Variants in CAMSAP1 observed in about 807,000 individuals in gnomAD.
CAMSAP1 encodes the protein calmodulin regulated spectrin associated protein 1, also known as calmodulin-regulated spectrin-associated protein 1.
Under a neutral mutation model 143.5 loss-of-function variants are expected in CAMSAP1, and 58 were observed. That is an observed-to-expected ratio of 0.40 (90% CI 0.33 to 0.50). The LOEUF is 0.50. Ranked by LOEUF, CAMSAP1 falls within the 20% of genes least tolerant of loss-of-function variation. The pLI is 0.45. For synonymous variants in CAMSAP1, 945 were observed against 859.3 expected (o/e 1.10, Z -1.74); for missense variants, 1,969 against 2,115.7 (o/e 0.93, Z 1.36).
chr9:135,831,756 A>C (rs1357489680), intron 7 of CAMSAP1, among the ~76,000 whole-genome samples: 1 of 152,168 alleles, frequency 6.6e-6, no homozygotes, highest in African/African-American at 2.4e-5. Flanking sequence ...CAGAAATAAA[A>C]GAGGAGATAT....
intron 4 of CAMSAP1, chr9:135,865,132 G>C: frequency 1.7e-6 from 1 of 572,186 alleles, no homozygotes; most frequent in East Asian, 2.9e-5. Context: ...TGTAACTTAA[G>C]AGTTCCAAAG....
At chr9:135,896,335 G>A (rs1310705990) in intron 1 of CAMSAP1, among the ~76,000 whole-genome samples, 4 of 152,182 alleles carry the variant, frequency 2.6e-5, no homozygotes, top group African/African-American at 9.6e-5. Flanking sequence ...CTACCAGAAA[G>A]ACCTAAAAAT....
Position 135,896,229 on chromosome 9 carries a change from T to C in CAMSAP1, c.160+10771A>G, listed in dbSNP as rs545747033. ...AAAAGGAGGGAAAAAAGATACGCCA[T>C]TCAAACACTTTTTTAAAAAAAGCAG... On this transcript the variant is annotated intron_variant, in intron 1 of 16. Transcript: ENST00000389532. 2.6e-3 allele frequency among the ~76,000 whole-genome samples: 392 copies of C among 148,054 alleles called. 2 individuals are homozygous for C. The highest frequency in any genetic ancestry group is 9.2e-3 in the African/African-American group (378 of 41,204).
chr9:135,870,876 A>G (rs1467510333), intron 3 of CAMSAP1, among the ~76,000 whole-genome samples: 4 of 152,242 alleles, frequency 2.6e-5, no homozygotes. Context: ...CATGTAAATT[A>G]TATCTCAATT....
At chr9:135,905,669 A>G (rs1564466737) in intron 1 of CAMSAP1, among the ~76,000 whole-genome samples, 1 of 152,242 alleles carries the variant, frequency 6.6e-6, no homozygotes, top group Non-Finnish European at 1.5e-5. Flanking sequence ...AGCCAGTCTC[A>G]GAAAGAGACA....
At chr9:135,904,216 T>TA (rs1838699416) in intron 1 of CAMSAP1, among the ~76,000 whole-genome samples, 1 of 151,408 alleles carries the variant, frequency 6.6e-6, no homozygotes, top group Admixed American at 6.6e-5. Flanking sequence ...AAAAACTGTT[T>TA]AAAGAAAACC....
rs118047382 is a variant in CAMSAP1 at position 135,877,122 on chromosome 9, G to C, written c.585+4511C>G. 1.2e-3 allele frequency among the ~76,000 whole-genome samples: 189 copies of C among 152,110 alleles called. 9 individuals are homozygous for C. In the East Asian group the frequency reaches 0.034, roughly 27 times the overall value. On this transcript the variant is annotated intron_variant, in intron 3 of 16. Coordinates refer to ENST00000389532, the MANE Select transcript of CAMSAP1 (RefSeq NM_015447.4). ...TCCATCAACAGGTGGACAGATAAACGAACCATGGTATATGCACACGATGGA... is the reference window on the plus strand; with the variant it reads ...TCCATCAACAGGTGGACAGATAAACCAACCATGGTATATGCACACGATGGA...
rs773021494 is a variant in CAMSAP1, at chr9:135,823,279, C to A, written c.1401-19G>T. The A allele has an allele frequency of 5.2e-6, 8 of 1,532,972 alleles. No homozygotes were observed. The highest frequency in any genetic ancestry group is 7.0e-6 in the Non-Finnish European group (8 of 1,141,488). 95.0% of individuals were successfully genotyped at this position (1,532,972 alleles called of 1,614,324 possible). On this transcript the variant is annotated intron_variant, in intron 10 of 16. Coordinates refer to ENST00000389532, the MANE Select transcript of CAMSAP1 (RefSeq NM_015447.4). ...CGCAGGCCTGAAACACAGGGAAGGCCCACTGGGTGCGCTGCGGTATACACC... is the reference window on the plus strand; with the variant it reads ...CGCAGGCCTGAAACACAGGGAAGGCACACTGGGTGCGCTGCGGTATACACC...
At chr9:135,883,777 T>C (rs562297727) in intron 1 of CAMSAP1, among the ~76,000 whole-genome samples, 2 of 152,346 alleles carry the variant, frequency 1.3e-5, no homozygotes, top group African/African-American at 4.8e-5. Context: ...GACTACCATC[T>C]GCACATTACA....
intron 5 of CAMSAP1, among the ~76,000 whole-genome samples, chr9:135,858,078 C>T (rs895770974): frequency 3.3e-5 from 5 of 151,976 alleles, no homozygotes; most frequent in Non-Finnish European, 7.4e-5. Flanking sequence ...CTTGGTGCTC[C>T]GTTCTGCTGT....
In CAMSAP1 at chr9:135,811,038, G is replaced by A; in HGVS notation, c.*271C>T. On this transcript the variant is annotated 3_prime_UTR_variant, in exon 17 of 17. Coordinates refer to ENST00000389532, the MANE Select transcript of CAMSAP1 (RefSeq NM_015447.4). This position sits in a 1 kb window ranked among gnomAD's most constrained non-coding sequence, Gnocchi z 4.9. ...CCTCCGCTGGGAGCCTCAGTGGTCA[G>A]CAGTGGCCACAGCAGTGCGAGCCAC... 2 of 481,600 alleles carry A rather than the reference G, an allele frequency of 4.2e-6. No homozygotes were observed. Among genetic ancestry groups the A allele is most frequent in the Non-Finnish European group, 7.5e-6 (2 of 267,434 alleles). The allele number at this position is 481,600 out of a possible 1,614,324, so 29.8% of individuals were successfully genotyped here. A position where few individuals can be genotyped will look rare whatever the true frequency, so the allele number is the denominator to read the frequency against.
intron 1 of CAMSAP1, among the ~76,000 whole-genome samples, chr9:135,905,802 G>C (rs1334199343): frequency 2.0e-5 from 3 of 152,226 alleles, no homozygotes. Context: ...GGCAGTGACT[G>C]CAAGATACCC....
At chr9:135,831,685 C>T (rs1181382205) in intron 7 of CAMSAP1, among the ~76,000 whole-genome samples, 1 of 151,886 alleles carries the variant, frequency 6.6e-6, no homozygotes, top group African/African-American at 2.4e-5. Context: ...ATCAACAAAA[C>T]TAAGTTGGTT....
intron 7 of CAMSAP1, among the ~76,000 whole-genome samples, chr9:135,840,412 G>A (rs1055540015): frequency 3.9e-5 from 6 of 152,168 alleles, no homozygotes; most frequent in Non-Finnish European, 7.4e-5. Context: ...GAGGAGCCCC[G>A]CAAGAAGAAG....
intron 7 of CAMSAP1, among the ~76,000 whole-genome samples, chr9:135,834,616 G>GTAA (rs1436449544): frequency 6.6e-6 from 1 of 152,204 alleles, no homozygotes; most frequent in East Asian, 1.9e-4. Context: ...AAGCAGAGAA[G>GTAA]TGTTTGCCAG....
In CAMSAP1 at chr9:135,815,882, G is replaced by A. The variant is rs754724416; in HGVS notation, c.4387+8C>T. On this transcript the variant is annotated splice_region_variant and intron_variant, in intron 15 of 16. Transcript: ENST00000389532. ...ACGATGACCTCTAAGGAGGGCGAACGCCGTCACCTGTGTACTCGGCCACTG... is the reference window on the plus strand; with the variant it reads ...ACGATGACCTCTAAGGAGGGCGAACACCGTCACCTGTGTACTCGGCCACTG... The A allele has an allele frequency of 1.9e-6, 3 of 1,612,152 alleles. No individual in the cohort carries two copies. The highest frequency in any genetic ancestry group is 2.2e-5 in the East Asian group (1 of 44,880).
intron 7 of CAMSAP1, among the ~76,000 whole-genome samples, chr9:135,848,473 G>A (rs962298276): frequency 3.9e-5 from 6 of 151,986 alleles, no homozygotes; most frequent in African/African-American, 1.5e-4. Flanking sequence ...AGCACCCAAC[G>A]TGCCCAATGA....
intron 3 of CAMSAP1, among the ~76,000 whole-genome samples, chr9:135,871,146 T>A (rs139735090): frequency 6.6e-6 from 1 of 152,308 alleles, no homozygotes; most frequent in Admixed American, 6.5e-5. Flanking sequence ...GCAAGCCAGA[T>A]AGTAAGACAC....
At chr9:135,846,774 A>G (rs1172216353) in intron 7 of CAMSAP1, among the ~76,000 whole-genome samples, 1 of 152,178 alleles carries the variant, frequency 6.6e-6, no homozygotes, top group Non-Finnish European at 1.5e-5. Flanking sequence ...CGACAAACAT[A>G]AGAAAAAAAG....
Sources: allele counts gnomAD v4.1 joint callset (sites outside exome capture counted in the v4.1 genomes callset), GRCh38; gene constraint gnomAD v4.1.1; non-coding constraint Gnocchi (gnomAD v3.1); transcripts MANE v1.5; gene names NCBI Gene and HGNC (gene_info 2026-07-23, HGNC 2026-07-21).